Variants in DPYD observed in about 807,000 individuals in gnomAD.
The protein encoded by DPYD is dihydropyrimidine dehydrogenase.
Under a neutral mutation model 116.2 loss-of-function variants are expected in DPYD, and 109 were observed. That is an observed-to-expected ratio of 0.94 (90% CI 0.80 to 1.10). The LOEUF (loss-of-function observed/expected upper bound fraction) is 1.10. Ranked by LOEUF, DPYD falls within the 50% of genes least tolerant of loss-of-function variation. The pLI is 0.00. For synonymous variants in DPYD, 440 were observed against 432.0 expected (o/e 1.02, Z -0.23); for missense variants, 1,302 against 1,254.5 (o/e 1.04, Z -0.57).
At chr1:97,103,623 T>A (rs956433120) in intron 20 of DPYD, among the ~76,000 whole-genome samples, 1 of 152,122 alleles carries the variant, frequency 6.6e-6, no homozygotes, top group Non-Finnish European at 1.5e-5. Flanking sequence ...AGATAGTTCA[T>A]GTTTCATAGT....
At chr1:97,108,617 T>C (rs1205631927) in intron 20 of DPYD, among the ~76,000 whole-genome samples, 3 of 152,152 alleles carry the variant, frequency 2.0e-5, no homozygotes, top group African/African-American at 4.8e-5. Context: ...AAACTAAAGA[T>C]ATTGTAGCTA....
chr1:97,878,874 T>A (rs1241198526), intron 2 of DPYD, among the ~76,000 whole-genome samples: 1 of 151,876 alleles, frequency 6.6e-6, no homozygotes, highest in East Asian at 1.9e-4. Flanking sequence ...CACATAAATT[T>A]CAATGTGGCA....
At chr1:97,270,809 C>T (rs1046201895) in intron 18 of DPYD, among the ~76,000 whole-genome samples, 1 of 152,142 alleles carries the variant, frequency 6.6e-6, no homozygotes, top group Non-Finnish European at 1.5e-5. Flanking sequence ...TTACATATTT[C>T]GAGCAAATTT....
At chr1:97,792,584 T>TA in intron 3 of DPYD, among the ~76,000 whole-genome samples, 1 of 152,278 alleles carries the variant, frequency 6.6e-6, no homozygotes, top group African/African-American at 2.4e-5. Flanking sequence ...CAGATCTTCT[T>TA]AATGCTAAAT....
intron 13 of DPYD, among the ~76,000 whole-genome samples, chr1:97,479,859 C>T (rs575671238): frequency 3.7e-4 from 56 of 152,258 alleles, no homozygotes; most frequent in Admixed American, 2.4e-3. Flanking sequence ...TTTGTTCTTA[C>T]TAATGGGATC....
At chr1:97,783,541 T>A (rs1040663582) in intron 3 of DPYD, among the ~76,000 whole-genome samples, 2 of 151,826 alleles carry the variant, frequency 1.3e-5, no homozygotes, top group African/African-American at 4.8e-5. Context: ...ATTACAGGCA[T>A]CCACCACCAC....
chr1:97,740,283 T>A, intron 4 of DPYD, 109 bp downstream of exon 4: 1 of 869,862 alleles, frequency 1.1e-6, no homozygotes, highest in African/African-American at 1.7e-5. Flanking sequence ...AAGTCATATT[T>A]AATGGTTTAA....
chr1:97,858,362 T>G (rs1157820080), intron 2 of DPYD, among the ~76,000 whole-genome samples: 1 of 152,204 alleles, frequency 6.6e-6, no homozygotes, highest in East Asian at 1.9e-4. Flanking sequence ...GTCTTCAAAA[T>G]TATGATTTTT....
intron 20 of DPYD, among the ~76,000 whole-genome samples, chr1:97,145,340 C>A (rs576017930): frequency 6.6e-6 from 1 of 152,258 alleles, no homozygotes; most frequent in South Asian, 2.1e-4. Context: ...GCAGGGGAGA[C>A]ACTCACTTAG....
intron 19 of DPYD, among the ~76,000 whole-genome samples, chr1:97,205,949 G>A (rs1019482783): frequency 3.9e-5 from 6 of 152,072 alleles, no homozygotes; most frequent in Non-Finnish European, 7.4e-5. Flanking sequence ...CATCTCCAGC[G>A]CTTAATGGGA....
intron 2 of DPYD, among the ~76,000 whole-genome samples, chr1:97,841,692 C>A (rs1376899373): frequency 6.6e-6 from 1 of 151,762 alleles, no homozygotes; most frequent in East Asian, 1.9e-4. Context: ...ACCAATTTAC[C>A]TAAAGGGAGT....
At chr1:97,299,104 G>A (rs572163806) in intron 18 of DPYD, among the ~76,000 whole-genome samples, 3 of 152,214 alleles carry the variant, frequency 2.0e-5, no homozygotes, top group Admixed American at 1.3e-4. Flanking sequence ...ACAGAGATGT[G>A]TAGTTCTAAA....
chr1:97,895,395 C>A (rs1673006379), intron 1 of DPYD, among the ~76,000 whole-genome samples: 1 of 151,632 alleles, frequency 6.6e-6, no homozygotes, highest in African/African-American at 2.4e-5. Context: ...GAAAGCAGGA[C>A]CTGGGCTAAC....
intron 19 of DPYD, among the ~76,000 whole-genome samples, chr1:97,222,546 T>C (rs1452126657): frequency 3.9e-5 from 6 of 152,156 alleles, no homozygotes; most frequent in African/African-American, 1.4e-4. Context: ...CAACATTTGT[T>C]GCACTAGAAT....
intron 2 of DPYD, among the ~76,000 whole-genome samples, chr1:97,853,250 CA>C (rs1244584869): frequency 6.6e-6 from 1 of 152,174 alleles, no homozygotes; most frequent in East Asian, 1.9e-4. Flanking sequence ...CGCTCAATAT[CA>C]ATGTACTGAA....
intron 8 of DPYD, among the ~76,000 whole-genome samples, chr1:97,624,073 T>A (rs980304037): frequency 6.6e-6 from 1 of 152,026 alleles, no homozygotes; most frequent in Non-Finnish European, 1.5e-5. Flanking sequence ...TGGGAAATGA[T>A]GTTTTGGATT....
At chr1:97,586,467 T>TAC (rs368082698) in intron 10 of DPYD, among the ~76,000 whole-genome samples, 33 of 1,164 alleles carry the variant, frequency 0.028, no homozygotes, top group East Asian at 0.045. Context: ...CATACATACA[T>TAC]ATATATATAT....
At chr1:97,409,123 G>T (rs1673835365) in intron 14 of DPYD, among the ~76,000 whole-genome samples, 1 of 151,988 alleles carries the variant, frequency 6.6e-6, no homozygotes, top group African/African-American at 2.4e-5. Context: ...TATCCTATTA[G>T]TTCTGTCCTC....
intron 5 of DPYD, among the ~76,000 whole-genome samples, chr1:97,714,580 A>G (rs2101009969): frequency 6.7e-6 from 1 of 150,108 alleles, no homozygotes; most frequent in Middle Eastern, 3.5e-3. Context: ...TAAAGAAGGA[A>G]CCCAACATTT....
Sources: allele counts gnomAD v4.1 joint callset (sites outside exome capture counted in the v4.1 genomes callset), GRCh38; gene constraint gnomAD v4.1.1; transcripts MANE v1.5; gene names NCBI Gene and HGNC (gene_info 2026-07-23, HGNC 2026-07-21).